AHSA1: variants seen among roughly 807,000 people sequenced by gnomAD.
AHSA1 encodes the protein activator of HSP90 ATPase activity 1, also known as activator of 90 kDa heat shock protein ATPase homolog 1.
A neutral mutation model predicts 46.1 loss-of-function variants in AHSA1; 14 were observed. The ratio of observed to expected loss-of-function variants is 0.30; its 90% confidence interval spans 0.20 to 0.47. AHSA1 has a LOEUF of 0.47. AHSA1 is among the 20% of genes least tolerant of loss of function. AHSA1 has a pLI of 0.99. For missense variants in AHSA1, 333 were observed against 415.9 expected (o/e 0.80, Z 1.73); for synonymous variants, 147 against 145.8 (o/e 1.01, Z -0.06).
chr14:77,462,323 T>A, intron 3 of AHSA1, 81 bp downstream of exon 3: 1 of 1,381,384 alleles, frequency 7.2e-7, no homozygotes, highest in Non-Finnish European at 1.0e-6. Flanking sequence ...CATTCAGGAT[T>A]CATAGCCCAG....
intron 2 of AHSA1, among the ~76,000 whole-genome samples, chr14:77,460,514 G>C (rs1197353137): frequency 1.3e-5 from 2 of 151,014 alleles, no homozygotes; most frequent in South Asian, 4.2e-4. Context: ...TGTTTTTAAA[G>C]TACACTCGAA....
At position 77,460,670 on chromosome 14, in the gene AHSA1, GT is replaced by G. The variant is rs2079018289; in HGVS notation, c.271+866del. Among the ~76,000 whole-genome samples, 4 of 150,962 alleles carry G rather than the reference GT, an allele frequency of 2.6e-5. No homozygotes were observed. In the South Asian group the frequency reaches 8.4e-4, roughly 32 times the overall value. ...AACCTCCACTTCCCGGGTTTAACCA[GT>G]TCTCCTGCCTCAGCCTCCCAAGTAG... On this transcript the variant is annotated intron_variant, in intron 2 of 8. Coordinates refer to ENST00000216479, the MANE Select transcript of AHSA1 (RefSeq NM_012111.3).
At position 77,469,448 on chromosome 14, in the gene AHSA1, C is replaced by T; in HGVS notation, c.*199C>T. The T allele has an allele frequency of 1.9e-6, 1 of 520,768 alleles. No homozygotes were observed. The highest frequency in any genetic ancestry group is 3.4e-6 in the Non-Finnish European group (1 of 298,388). The allele number at this position is 520,768 out of a possible 1,614,324, so 32.3% of individuals were successfully genotyped here. ...AATTTCTCTTTTATGTGTACATATG[C>T]TAAATAAACATAATTTAAAAAACAT... On this transcript the variant is annotated 3_prime_UTR_variant, in exon 9 of 9. Coordinates refer to ENST00000216479, the MANE Select transcript of AHSA1 (RefSeq NM_012111.3).
intron 6 of AHSA1, 32 bp downstream of exon 6, chr14:77,465,699 C>T (rs756920834): frequency 6.2e-7 from 1 of 1,609,984 alleles, no homozygotes; most frequent in South Asian, 1.1e-5. Flanking sequence ...GGCCTCATGC[C>T]ATCTGCCCTT....
At chr14:77,465,827 C>CT (rs370588910) in intron 6 of AHSA1, among the ~76,000 whole-genome samples, 160 bp downstream of exon 6, 5,357 of 145,826 alleles carry the variant, frequency 0.037, 271 homozygotes, top group African/African-American at 0.12. Flanking sequence ...CCTCTATTCT[C>CT]TTTTTTTTTT....
At chr14:77,468,617 C>T in intron 8 of AHSA1, 109 bp downstream of exon 8, 4 of 997,210 alleles carry the variant, frequency 4.0e-6, no homozygotes, top group Non-Finnish European at 3.0e-6. Flanking sequence ...GGCTAGAGTG[C>T]AGTGGCATAA....
intron 6 of AHSA1, 68 bp from the exon 7 acceptor site, chr14:77,468,015 C>A: frequency 8.7e-7 from 1 of 1,143,156 alleles, no homozygotes; most frequent in Non-Finnish European, 1.2e-6. Context: ...TGGCATTTGT[C>A]CTTGGGTCCC....
intron 3 of AHSA1, 42 bp from the exon 4 acceptor site, chr14:77,462,600 C>A: frequency 1.3e-6 from 2 of 1,541,346 alleles, no homozygotes; most frequent in Non-Finnish European, 1.8e-6. Flanking sequence ...AATGAGGGTG[C>A]CCCTCAAGTT....
chr14:77,465,105 G>A (rs998478112), intron 5 of AHSA1, among the ~76,000 whole-genome samples: 13 of 152,200 alleles, frequency 8.5e-5, no homozygotes, highest in Non-Finnish European at 4.4e-5. Flanking sequence ...GGGTGAGCAA[G>A]TACTTTATCT....
At position 77,459,635 on chromosome 14, in the gene AHSA1, A is replaced by C. The variant is rs200055901; in HGVS notation, c.100A>C (p.Asn34His). ...TTGCAGGACGGAGAGAGATGCTTCA[A>C]ATTGGTCCACGGATAAGCTGAAAAC... is the stretch of plus-strand genomic sequence containing the variant. ...NWHWTERDAS[N>H]WSTDKLKTLF... The change falls in exon 2 of 9, where the codon AAT (asparagine) becomes CAT (histidine). Residue 34 changes from asparagine to histidine, a missense_variant. Transcript: ENST00000216479. 78 of 1,614,088 alleles carry C rather than the reference A, an allele frequency of 4.8e-5. No individual in the cohort carries two copies. In the South Asian group the frequency reaches 5.8e-4, roughly 12 times the overall value.
At position 77,465,478 on chromosome 14, in the gene AHSA1, C is replaced by T. The variant is rs1200652533; in HGVS notation, c.562-61C>T. On this transcript the variant is annotated intron_variant, in intron 5 of 8. Transcript: ENST00000216479. ...ATGAATGGTACAACTGTCTCTGAAG[C>T]CACGTTGATTGAGGTTGTATCATTA... is the stretch of plus-strand genomic sequence containing the variant. 24 of 1,566,162 alleles carry T rather than the reference C, an allele frequency of 1.5e-5. No individual in the cohort carries two copies. In the East Asian group the frequency reaches 5.0e-4, roughly 32 times the overall value.
intron 4 of AHSA1, chr14:77,463,169 A>C (rs1012033450): frequency 5.0e-6 from 1 of 201,558 alleles, no homozygotes; most frequent in Non-Finnish European, 1.0e-5. Context: ...AATCCCAGCT[A>C]CTCGGGAGGC....
chr14:77,469,291 C>T lies in AHSA1; in HGVS notation c.*42C>T. 6.2e-7 allele frequency: 1 copy of T among 1,600,372 alleles called. No homozygotes were observed. The highest frequency in any genetic ancestry group is 8.5e-7 in the Non-Finnish European group (1 of 1,171,830). On this transcript the variant is annotated 3_prime_UTR_variant, in exon 9 of 9. Coordinates refer to ENST00000216479, the MANE Select transcript of AHSA1 (RefSeq NM_012111.3). Reference sequence around the variant, plus strand: ...CTCCAGCCTGCTGGACACTTCAGTCCAGCTCTCTCCTGACTGGGGCTTGCG... The same window carrying T: ...CTCCAGCCTGCTGGACACTTCAGTCTAGCTCTCTCCTGACTGGGGCTTGCG...
chr14:77,468,073 T>TTTC lies in AHSA1; in HGVS notation c.691-9_691-8insTCT. 1 of 1,379,560 alleles carries TTTC rather than the reference T, an allele frequency of 7.2e-7. No homozygotes were observed. Among genetic ancestry groups the TTTC allele is most frequent in the East Asian group, 2.6e-5 (1 of 38,148 alleles). The allele number at this position is 1,379,560 out of a possible 1,614,324, so 85.5% of individuals were successfully genotyped here. A position where few individuals can be genotyped will look rare whatever the true frequency, so the allele number is the denominator to read the frequency against. On this transcript the variant is annotated splice_polypyrimidine_tract_variant and intron_variant, in intron 6 of 8. Coordinates refer to ENST00000216479, the MANE Select transcript of AHSA1 (RefSeq NM_012111.3). ...CCTCTTTTTTTTTTTTTTTTTTTTT[T>TTTC]TCCCTGCAGCTGGTGCAGGCCTTTA...
chr14:77,464,716 T>C, intron 5 of AHSA1, 30 bp downstream of exon 5: 1 of 1,594,422 alleles, frequency 6.3e-7, no homozygotes, highest in Non-Finnish European at 8.6e-7. Flanking sequence ...TGGGAGACTG[T>C]CTGCAAAGGA....
At chr14:77,462,952 T>C (rs2079032121) in intron 4 of AHSA1, 193 bp downstream of exon 4, 1 of 518,040 alleles carries the variant, frequency 1.9e-6, no homozygotes, top group East Asian at 3.6e-5. Context: ...ATAATGATGG[T>C]TGAGCATTTT....
At chr14:77,468,721 C>CTTTTTTTTTTTTTTTTTT (rs572116649) in intron 8 of AHSA1, 10 of 224,428 alleles carry the variant, frequency 4.5e-5, no homozygotes, top group Admixed American at 1.1e-4. Flanking sequence ...ACCATGCCAG[C>CTTTTTTTTTTTTTTTTTT]TTTTTTTTTT....
At position 77,462,640 on chromosome 14, in the gene AHSA1, A is replaced by T; in HGVS notation, c.355-2A>T. ...ACCACCTACTTCTCATCTTTCACCC[A>T]GATTAGTGTGAGCCTTGCCAAAGAT... is the stretch of plus-strand genomic sequence containing the variant. On this transcript the variant is annotated splice_acceptor_variant, in intron 3 of 8. Coordinates refer to ENST00000216479, the MANE Select transcript of AHSA1 (RefSeq NM_012111.3). LOFTEE classifies it high-confidence loss of function. 1 of 1,613,778 alleles carries T rather than the reference A, an allele frequency of 6.2e-7. No homozygotes were observed. The highest frequency in any genetic ancestry group is 8.5e-7 in the Non-Finnish European group (1 of 1,179,654).
intron 6 of AHSA1, among the ~76,000 whole-genome samples, chr14:77,467,697 A>G (rs1566748591): frequency 8.4e-6 from 1 of 118,758 alleles, no homozygotes; most frequent in Non-Finnish European, 2.0e-5. Context: ...CCGTCTCAAT[A>G]AATAAAAAAA....
Sources: allele counts gnomAD v4.1 joint callset (sites outside exome capture counted in the v4.1 genomes callset), GRCh38; gene constraint gnomAD v4.1.1; transcripts MANE v1.5; gene names NCBI Gene and HGNC (gene_info 2026-07-23, HGNC 2026-07-21).